The following SEMA4B variants were observed in gnomAD, a reference collection of about 807,000 sequenced individuals.
SEMA4B encodes the protein semaphorin 4B.
Under a neutral mutation model 88.1 loss-of-function variants are expected in SEMA4B, and 55 were observed. That is an observed-to-expected ratio of 0.62 (90% CI 0.50 to 0.78). SEMA4B has a LOEUF of 0.78. Ranked by LOEUF, SEMA4B falls within the 30% of genes least tolerant of loss-of-function variation. The pLI is 0.00. For missense variants in SEMA4B, 1,062 were observed against 1,111.9 expected (o/e 0.96, Z 0.64); for synonymous variants, 525 against 473.6 (o/e 1.11, Z -1.41).
At chr15:90,200,622 G>A (rs1960669004), upstream of SEMA4B, among the ~76,000 whole-genome samples, 1 of 152,152 alleles carries the variant, frequency 6.6e-6, no homozygotes, top group African/African-American at 2.4e-5. Flanking sequence ...GTGCCTCTGG[G>A]CTTCCACTCC....
rs573258876 is a variant in SEMA4B, at chr15:90,225,399, T to C, written c.1521+2T>C. The C allele has an allele frequency of 1.9e-6, 3 of 1,550,008 alleles. No homozygotes were observed. In the African/African-American group the frequency reaches 4.1e-5, roughly 21 times the overall value. On this transcript the variant is annotated splice_donor_variant, in intron 11 of 13. Transcript: ENST00000411539. LOFTEE classifies it high-confidence loss of function. The stretch of plus-strand genomic sequence containing the variant: ...AATCTGCTCCTGGACACCCACAGGG[T>C]GAGCAGGCCAACGAGGAATCCTGGC...
chr15:90,222,442 C>T (rs907668774), intron 7 of SEMA4B, among the ~76,000 whole-genome samples: 3 of 151,390 alleles, frequency 2.0e-5, no homozygotes, highest in Admixed American at 1.3e-4. Flanking sequence ...TGGTGGTGCA[C>T]GCCTGTAATC....
At chr15:90,200,172 T>C (rs1473683585), upstream of SEMA4B, among the ~76,000 whole-genome samples, 1 of 152,128 alleles carries the variant, frequency 6.6e-6, no homozygotes, top group East Asian at 1.9e-4. Flanking sequence ...AGCATCCCTG[T>C]TGTGGGAGCA....
intron 7 of SEMA4B, among the ~76,000 whole-genome samples, chr15:90,222,305 C>G (rs920529607): frequency 6.8e-6 from 1 of 146,904 alleles, no homozygotes; most frequent in Non-Finnish European, 1.5e-5. Context: ...CATGGTGGCT[C>G]ACGCCTGTAA....
chr15:90,226,920 G>A (rs1962200864), intron 12 of SEMA4B, among the ~76,000 whole-genome samples: 2 of 145,044 alleles, frequency 1.4e-5, no homozygotes, highest in South Asian at 4.3e-4. Context: ...GTATGCATGT[G>A]CACTGTTTAA....
At chr15:90,200,664 A>G (rs893692917), upstream of SEMA4B, among the ~76,000 whole-genome samples, 2 of 152,152 alleles carry the variant, frequency 1.3e-5, no homozygotes. Context: ...CTGCCGGGTC[A>G]CGTGCAGGTT....
intron 1 of SEMA4B, among the ~76,000 whole-genome samples, chr15:90,208,667 G>T (rs1961109021): frequency 6.6e-6 from 1 of 152,134 alleles, no homozygotes; most frequent in African/African-American, 2.4e-5. Context: ...GCCCCTTCCA[G>T]TCCGTGAAGC....
chr15:90,225,430 A>T (rs1239887504), intron 11 of SEMA4B, 33 bp downstream of exon 11: 1 of 1,536,288 alleles, frequency 6.5e-7, no homozygotes, highest in East Asian at 2.5e-5. Context: ...CTGGCAGGGT[A>T]CTTGGGGGGT....
chr15:90,208,894 A>G (rs997818603), intron 1 of SEMA4B, among the ~76,000 whole-genome samples: 2 of 151,936 alleles, frequency 1.3e-5, no homozygotes, highest in African/African-American at 4.8e-5. Flanking sequence ...GGCATATGCC[A>G]CCATGCCCAG....
chr15:90,226,620 C>T (rs1962185233), intron 12 of SEMA4B, among the ~76,000 whole-genome samples: 2 of 152,312 alleles, frequency 1.3e-5, no homozygotes, highest in African/African-American at 4.8e-5. Flanking sequence ...GGATTACAGC[C>T]ATGAGCCACC....
At chr15:90,219,726 G>GA in intron 3 of SEMA4B, 67 bp from the exon 4 acceptor site, 1 of 1,276,148 alleles carries the variant, frequency 7.8e-7, no homozygotes, top group Non-Finnish European at 1.1e-6. Context: ...GGAAGGGGGG[G>GA]CTCGGCGGTG....
At chr15:90,214,782 A>G (rs1027360964) in intron 1 of SEMA4B, among the ~76,000 whole-genome samples, 2 of 152,066 alleles carry the variant, frequency 1.3e-5, no homozygotes, top group South Asian at 2.1e-4. Context: ...CTTCTCTACC[A>G]GCTGTGCGAA....
intron 1 of SEMA4B, among the ~76,000 whole-genome samples, chr15:90,211,779 G>C (rs192243849): frequency 2.0e-5 from 3 of 152,166 alleles, no homozygotes; most frequent in East Asian, 1.9e-4. Context: ...CTCTGAGAGT[G>C]GGGGAGGCCA....
intron 1 of SEMA4B, 25 bp from the exon 2 acceptor site, chr15:90,217,414 G>A: frequency 6.2e-7 from 1 of 1,604,822 alleles, no homozygotes; most frequent in South Asian, 1.1e-5. Flanking sequence ...GTGGCCCCAG[G>A]TAATACCCAT....
intron 11 of SEMA4B, 128 bp downstream of exon 11, chr15:90,225,525 A>G (rs2151626805): frequency 7.8e-7 from 1 of 1,289,134 alleles, no homozygotes; most frequent in Non-Finnish European, 1.1e-6. Context: ...CCAGTCATGA[A>G]CTATTAGAAA....
At chr15:90,202,982 T>A (rs565250813) in intron 1 of SEMA4B, among the ~76,000 whole-genome samples, 2 of 152,312 alleles carry the variant, frequency 1.3e-5, no homozygotes, top group East Asian at 3.9e-4. Flanking sequence ...CCTCAGCCAC[T>A]TAGTAACCAT....
Position 90,205,902 on chromosome 15 carries a change from C to G in SEMA4B, c.157+4167C>G, listed in dbSNP as rs146093825. Among the ~76,000 whole-genome samples the G allele has an allele frequency of 3.1e-3, 478 of 152,302 alleles. 5 individuals carry two copies. Among genetic ancestry groups the G allele is most frequent in the African/African-American group, 0.011 (461 of 41,552 alleles). Reference sequence around the variant, plus strand: ...GCTCCTGATTCAGCCTTTTCAAAGTCCTCCTTTGCCTGAAGAACCTCCTCT... The same window carrying G: ...GCTCCTGATTCAGCCTTTTCAAAGTGCTCCTTTGCCTGAAGAACCTCCTCT... On this transcript the variant is annotated intron_variant, in intron 1 of 13. Coordinates refer to ENST00000411539, the MANE Select transcript of SEMA4B (RefSeq NM_198925.4).
intron 1 of SEMA4B, among the ~76,000 whole-genome samples, chr15:90,211,325 C>T (rs1226582347): frequency 1.3e-5 from 2 of 152,218 alleles, no homozygotes; most frequent in African/African-American, 4.8e-5. Flanking sequence ...GTAGCAATGG[C>T]TTTCCGGGGC....
At position 90,220,963 on chromosome 15, in the gene SEMA4B, T is replaced by G; in HGVS notation, c.484-19T>G. On this transcript the variant is annotated intron_variant, in intron 4 of 13. Transcript: ENST00000411539. ...ATTCCCTGGAGTGCCCCTGAGCCCA[T>G]GTGTCCACCCTCCTGCAGAACATGG... 6.5e-7 allele frequency: 1 copy of G among 1,546,812 alleles called. No individual in the cohort carries two copies. Among genetic ancestry groups the G allele is most frequent in the Non-Finnish European group, 8.8e-7 (1 of 1,130,164 alleles).
Sources: gnomAD v4.1 joint callset for allele counts (sites outside exome capture counted in the v4.1 genomes callset) on GRCh38, gnomAD v4.1.1 for gene constraint, MANE v1.5 for transcripts, NCBI Gene and HGNC (gene_info 2026-07-23, HGNC 2026-07-21) for gene names.